The following TPRG1 variants were observed in gnomAD, a reference collection of about 807,000 sequenced individuals.
TPRG1 encodes tumor protein p63 regulated 1, also known as tumor protein p63-regulated gene 1 protein.
In TPRG1, 29 loss-of-function variants were observed where a neutral mutation model predicts 29.3. That is an observed-to-expected ratio of 0.99 (90% CI 0.74 to 1.35). The LOEUF (loss-of-function observed/expected upper bound fraction) is 1.35, where lower values mean the gene tolerates loss of function less well. Ranked by LOEUF, TPRG1 falls within the 40% of genes most tolerant of loss-of-function variation. TPRG1 has a pLI of 0.00. For synonymous variants in TPRG1, 130 were observed against 116.8 expected, an observed-to-expected ratio of 1.11 and a Z score of -0.73; for missense variants, 327 against 335.0, an observed-to-expected ratio of 0.98 and a Z score of 0.19.
chr3:189,238,380 A>G (rs971228526), intron 3 of TPRG1, among the ~76,000 whole-genome samples: 2 of 152,218 alleles, frequency 1.3e-5, no homozygotes, highest in African/African-American at 4.8e-5. Context: ...ATGAAGGAAG[A>G]TGTCCTCTAT....
intron 1 of TPRG1, among the ~76,000 whole-genome samples, chr3:189,124,954 A>G (rs1560466608): frequency 1.3e-5 from 2 of 152,204 alleles, no homozygotes; most frequent in South Asian, 2.1e-4. Flanking sequence ...CCAAAGTAGT[A>G]TTAGATCTTG....
chr3:189,208,790 G>T (rs1248084770), intron 2 of TPRG1, among the ~76,000 whole-genome samples: 2 of 152,202 alleles, frequency 1.3e-5, no homozygotes, highest in East Asian at 3.8e-4. Flanking sequence ...TCTTGGAGTT[G>T]TGCTATCTTT....
chr3:189,244,373 C>T (rs956310972), intron 4 of TPRG1, among the ~76,000 whole-genome samples: 16 of 151,786 alleles, frequency 1.1e-4, no homozygotes, highest in Admixed American at 9.2e-4. Context: ...GAGCCAAGAT[C>T]GAGCCACTGC....
At chr3:189,127,557 A>G (rs954724303) in intron 2 of TPRG1, among the ~76,000 whole-genome samples, 4 of 152,228 alleles carry the variant, frequency 2.6e-5, no homozygotes, top group Non-Finnish European at 5.9e-5. Flanking sequence ...GCATCTTGAC[A>G]TGAACATGAC....
chr3:189,025,160 G>A (rs540942277), intron 4 of TPRG1, among the ~76,000 whole-genome samples: 9 of 152,308 alleles, frequency 5.9e-5, no homozygotes, highest in Non-Finnish European at 1.0e-4. Flanking sequence ...ATGTGCCTGA[G>A]CACCGGTTCT....
intron 1 of TPRG1, among the ~76,000 whole-genome samples, chr3:189,105,739 G>A (rs761908786): frequency 3.9e-5 from 6 of 151,992 alleles, no homozygotes; most frequent in African/African-American, 7.2e-5. Flanking sequence ...TGAAGCCTAC[G>A]GAATAGAGGG....
intron 4 of TPRG1, among the ~76,000 whole-genome samples, chr3:189,266,554 G>C (rs1470432133): frequency 1.3e-5 from 2 of 152,106 alleles, no homozygotes; most frequent in African/African-American, 4.8e-5. Context: ...AATAATGGGA[G>C]ACAGGAGATC....
chr3:189,097,755 T>C (rs1253185961), upstream of TPRG1, among the ~76,000 whole-genome samples: 1 of 152,220 alleles, frequency 6.6e-6, no homozygotes, highest in African/African-American at 2.4e-5. Context: ...TGCACATCAG[T>C]CCAAATGGCA....
chr3:189,161,299 G>A (rs1727447892), intron 5 of TPRG1, among the ~76,000 whole-genome samples: 1 of 152,174 alleles, frequency 6.6e-6, no homozygotes, highest in Admixed American at 6.5e-5. Flanking sequence ...ATGGAAAGGA[G>A]CTTCAGAACT....
chr3:189,148,779 C>T (rs1725574210), intron 4 of TPRG1, among the ~76,000 whole-genome samples: 1 of 152,198 alleles, frequency 6.6e-6, no homozygotes, highest in Non-Finnish European at 1.5e-5. Flanking sequence ...ACATTTGGAA[C>T]TCTCTCATTA....
At chr3:189,208,217 G>A (rs1015047308) in intron 2 of TPRG1, among the ~76,000 whole-genome samples, 4 of 152,220 alleles carry the variant, frequency 2.6e-5, no homozygotes, top group African/African-American at 9.6e-5. Context: ...TTTGATTCAA[G>A]TGGAGAGTGC....
intron 3 of TPRG1, among the ~76,000 whole-genome samples, chr3:189,007,405 T>G (rs59120206): frequency 1.3e-5 from 2 of 151,840 alleles, no homozygotes; most frequent in Admixed American, 6.6e-5. Context: ...CAACAGGTGC[T>G]GGAGAGGATG....
intron 3 of TPRG1, among the ~76,000 whole-genome samples, chr3:189,144,345 T>G (rs1421621746): frequency 6.6e-6 from 1 of 152,196 alleles, no homozygotes; most frequent in Non-Finnish European, 1.5e-5. Flanking sequence ...TTTTTAACCT[T>G]TAATTGTGGG....
intron 4 of TPRG1, among the ~76,000 whole-genome samples, chr3:189,039,549 G>A (rs552271251): frequency 6.6e-6 from 1 of 152,346 alleles, no homozygotes; most frequent in South Asian, 2.1e-4. Flanking sequence ...ACATCACTGA[G>A]TGCAGACACT....
At chr3:189,106,621 G>C (rs911310895) in intron 1 of TPRG1, among the ~76,000 whole-genome samples, 1 of 152,122 alleles carries the variant, frequency 6.6e-6, no homozygotes, top group Non-Finnish European at 1.5e-5. Context: ...TGTGTTGGTT[G>C]TTCACATAAT....
chr3:189,251,940 C>T (rs1268084720), intron 4 of TPRG1, among the ~76,000 whole-genome samples: 3 of 152,136 alleles, frequency 2.0e-5, no homozygotes, highest in Admixed American at 6.5e-5. Flanking sequence ...GGCTGGGGGA[C>T]GGTCAGGTCT....
intron 4 of TPRG1, among the ~76,000 whole-genome samples, chr3:189,053,842 G>A (rs1447248197): frequency 6.6e-6 from 1 of 152,166 alleles, no homozygotes; most frequent in Non-Finnish European, 1.5e-5. Flanking sequence ...TTAGGTCATC[G>A]CCCTGGATTA....
chr3:189,120,192 C>T (rs1721666730), intron 1 of TPRG1: 1 of 152,166 alleles, frequency 6.6e-6, no homozygotes, highest in African/African-American at 2.4e-5. Context: ...TGTTTGCAAT[C>T]CAGTGCTTAA....
rs144412015 is a variant in TPRG1 at position 189,143,873 on chromosome 3, G to A, written c.-290-3711G>A. Among the ~76,000 whole-genome samples the A allele has an allele frequency of 1.6e-3, 250 of 152,244 alleles. 1 individual carries two copies. The highest frequency in any genetic ancestry group is 5.8e-3 in the African/African-American group (242 of 41,540). The stretch of plus-strand genomic sequence containing the variant: ...AGGAAACAGCTAATGGTGGAAGACT[G>A]GGGGCTTGAAGCTTGGGCCTCTCTC... On this transcript the variant is annotated intron_variant, in intron 3 of 6. Coordinates refer to the TPRG1 transcript ENST00000412373.
Sources: gnomAD v4.1 joint callset for allele counts (sites outside exome capture counted in the v4.1 genomes callset) on GRCh38, gnomAD v4.1.1 for gene constraint, MANE v1.5 for transcripts, NCBI Gene and HGNC (gene_info 2026-07-23, HGNC 2026-07-21) for gene names.